Variants in RELN observed in about 807,000 individuals in gnomAD.
The protein encoded by RELN is reelin.
Under a neutral mutation model 427.6 loss-of-function variants are expected in RELN, and 108 were observed. That is an observed-to-expected ratio of 0.25 (90% CI 0.22 to 0.30). The LOEUF (loss-of-function observed/expected upper bound fraction) is 0.30. Ranked by LOEUF, RELN falls within the 10% of genes least tolerant of loss-of-function variation. RELN has a pLI of 1.00. For missense variants in RELN, 3,715 were observed against 4,302.8 expected (o/e 0.86, Z 3.82); for synonymous variants, 1,524 against 1,513.4 (o/e 1.01, Z -0.16).
At chr7:103,747,783 T>C (rs775764226) in intron 6 of RELN, among the ~76,000 whole-genome samples, 1 of 151,960 alleles carries the variant, frequency 6.6e-6, no homozygotes, top group African/African-American at 2.4e-5. Context: ...AAAGGACTGT[T>C]TTAAAAATTA....
In RELN at chr7:103,785,238, T is replaced by C. The variant is rs150842775; in HGVS notation, c.474-8611A>G. ...CACCTTTTAAAATCATTAAAATTAT[T>C]TGAGAGGCTCTGCTGTTTTAAACAC... On this transcript the variant is annotated intron_variant, in intron 3 of 64. Transcript: ENST00000428762. Among the ~76,000 whole-genome samples, 327 of 152,252 alleles carry C rather than the reference T, an allele frequency of 2.1e-3. 2 individuals carry two copies. Among genetic ancestry groups the C allele is most frequent in the African/African-American group, 7.5e-3 (312 of 41,550 alleles).
chr7:103,793,369 G>T (rs1792214937), intron 3 of RELN, among the ~76,000 whole-genome samples: 1 of 152,134 alleles, frequency 6.6e-6, no homozygotes, highest in Non-Finnish European at 1.5e-5. Context: ...ATAAATTAAA[G>T]AATTGAAGTA....
At chr7:103,733,707 A>G (rs1253297219) in intron 6 of RELN, among the ~76,000 whole-genome samples, 7 of 142,926 alleles carry the variant, frequency 4.9e-5, no homozygotes, top group Non-Finnish European at 7.6e-5. Flanking sequence ...ACCAAACACC[A>G]CATATTCTCA....
At chr7:103,642,143 A>G (rs781521256) in intron 16 of RELN, among the ~76,000 whole-genome samples, 1 of 152,176 alleles carries the variant, frequency 6.6e-6, no homozygotes, top group Non-Finnish European at 1.5e-5. Context: ...TAAAATGACA[A>G]GAAATGTACT....
intron 61 of RELN, among the ~76,000 whole-genome samples, chr7:103,485,979 G>C (rs1405395768): frequency 6.6e-6 from 1 of 152,038 alleles, no homozygotes; most frequent in Non-Finnish European, 1.5e-5. Flanking sequence ...AGCCACTGTG[G>C]GTGAAGAAAT....
At chr7:103,813,270 T>C (rs1448853818) in intron 3 of RELN, among the ~76,000 whole-genome samples, 1 of 152,180 alleles carries the variant, frequency 6.6e-6, no homozygotes, top group Admixed American at 6.6e-5. Flanking sequence ...ATTTGAAGTT[T>C]CTCAGTAACA....
intron 4 of RELN, among the ~76,000 whole-genome samples, chr7:103,759,869 C>T (rs1472650674): frequency 6.6e-6 from 1 of 151,998 alleles, no homozygotes; most frequent in Non-Finnish European, 1.5e-5. Context: ...CTTGCATTAG[C>T]ACCAGCTGAG....
intron 57 of RELN, among the ~76,000 whole-genome samples, chr7:103,494,090 G>A (rs1177016635): frequency 6.6e-6 from 1 of 152,060 alleles, no homozygotes; most frequent in Non-Finnish European, 1.5e-5. Flanking sequence ...CACTCTTAAG[G>A]AACAGGGCTT....
chr7:103,797,597 C>T (rs1463555527), intron 3 of RELN, among the ~76,000 whole-genome samples: 1 of 152,156 alleles, frequency 6.6e-6, no homozygotes, highest in African/African-American at 2.4e-5. Context: ...TATCCTTTAT[C>T]CCTCCAATAT....
intron 7 of RELN, 129 bp from the exon 8 acceptor site, chr7:103,723,320 A>T (rs1301185215): frequency 1.5e-6 from 1 of 678,796 alleles, no homozygotes. Flanking sequence ...CAGAAGTTGC[A>T]TTTATCCAGT....
At chr7:103,772,720 T>C (rs1020855719) in intron 4 of RELN, among the ~76,000 whole-genome samples, 1 of 152,162 alleles carries the variant, frequency 6.6e-6, no homozygotes, top group African/African-American at 2.4e-5. Flanking sequence ...AGGGTGCAGA[T>C]AGCACCAGGA....
At chr7:103,543,095 G>C (rs1830209652) in intron 42 of RELN, among the ~76,000 whole-genome samples, 1 of 152,206 alleles carries the variant, frequency 6.6e-6, no homozygotes, top group African/African-American at 2.4e-5. Context: ...GTGATAGGAG[G>C]AGGGGGTATT....
intron 4 of RELN, among the ~76,000 whole-genome samples, chr7:103,765,399 A>G (rs1170738808): frequency 1.3e-5 from 2 of 152,168 alleles, no homozygotes; most frequent in East Asian, 3.8e-4. Flanking sequence ...TTATGTTGCC[A>G]CACACCTTGC....
chr7:103,940,717 T>C (rs749980897), intron 1 of RELN, among the ~76,000 whole-genome samples: 2 of 152,170 alleles, frequency 1.3e-5, no homozygotes, highest in African/African-American at 2.4e-5. Flanking sequence ...ATTGCTTTAA[T>C]TTGCTTCCAG....
At chr7:103,816,785 T>G (rs1217994337) in intron 3 of RELN, among the ~76,000 whole-genome samples, 2 of 152,122 alleles carry the variant, frequency 1.3e-5, no homozygotes, top group Non-Finnish European at 2.9e-5. Flanking sequence ...AGTCTTCTTC[T>G]TGGAATAGAA....
chr7:103,738,056 T>C (rs1368655945), intron 6 of RELN, among the ~76,000 whole-genome samples: 1 of 150,842 alleles, frequency 6.6e-6, no homozygotes, highest in Non-Finnish European at 1.5e-5. Context: ...GAGTAGGACA[T>C]CTCTGCTATT....
chr7:103,851,365 A>T (rs1351948924), intron 2 of RELN, among the ~76,000 whole-genome samples: 1 of 152,154 alleles, frequency 6.6e-6, no homozygotes, highest in Non-Finnish European at 1.5e-5. Context: ...GGGATAAAAC[A>T]CTACAAATAT....
chr7:103,627,859 T>C (rs1012959190), intron 20 of RELN: 38 of 152,218 alleles, frequency 2.5e-4, no homozygotes, highest in Admixed American at 2.0e-3. Context: ...ATCAGACTTG[T>C]GTGAAGGGAT....
At chr7:103,481,181 T>G (rs1828222622) in intron 63 of RELN, among the ~76,000 whole-genome samples, 1 of 152,206 alleles carries the variant, frequency 6.6e-6, no homozygotes, top group Non-Finnish European at 1.5e-5. Flanking sequence ...CTTTTTAATC[T>G]TAGTATAAGT....
Sources: allele counts gnomAD v4.1 joint callset (sites outside exome capture counted in the v4.1 genomes callset), GRCh38; gene constraint gnomAD v4.1.1; transcripts MANE v1.5; gene names NCBI Gene and HGNC (gene_info 2026-07-23, HGNC 2026-07-21).